MAPK7: variants seen among roughly 807,000 people sequenced by gnomAD.
MAPK7 encodes the protein BMK-1.
Under a neutral mutation model 56.9 loss-of-function variants are expected in MAPK7, and 30 were observed. The ratio of observed to expected loss-of-function variants is 0.53; its 90% confidence interval spans 0.39 to 0.72. The LOEUF is 0.72. Ranked by LOEUF, MAPK7 falls within the 30% of genes least tolerant of loss-of-function variation. MAPK7 has a pLI of 0.00. For synonymous variants in MAPK7, 516 were observed against 449.3 expected (o/e 1.15, Z -1.88); for missense variants, 952 against 1,110.8 (o/e 0.86, Z 2.03).
rs1436411902 is a variant in MAPK7 at position 19,379,837 on chromosome 17, C to G, written c.288C>G (p.Ala96=). 1 of 1,614,122 alleles carries G rather than the reference C, an allele frequency of 6.2e-7. No homozygotes were observed. Among genetic ancestry groups the G allele is most frequent in the African/African-American group, 1.3e-5 (1 of 74,942 alleles). ...ATGCTTTCGATGTGGTGACCAATGC[C>G]AAGCGGACCCTCAGGGAGCTGAAGA... ...IPNAFDVVTN[A]KRTLRELKIL... is the part of the protein sequence containing the mutation. The change falls in exon 3 of 7, where the codon GCC becomes GCG. Residue 96 remains alanine, a synonymous_variant. Coordinates refer to ENST00000395604, the MANE Select transcript of MAPK7 (RefSeq NM_002749.4).
Position 19,381,386 on chromosome 17 carries a change from G to A in MAPK7, c.1177G>A (p.Glu393Lys), listed in dbSNP as rs1341098806. Reference sequence around the variant, plus strand: ...AATTGAGGACTTCCATGCAAGGCGTGAGGGCATCCGCCAACAGATCCGCTT... The same window carrying A: ...AATTGAGGACTTCCATGCAAGGCGTAAGGGCATCCGCCAACAGATCCGCTT... ...AEIEDFHARREGIRQQIRFQP... is the reference protein window; with the variant it reads ...AEIEDFHARRKGIRQQIRFQP... Residue 393 changes from glutamate (E) to lysine (K), a missense_variant, in exon 4 of 7, where the codon GAG (glutamate) becomes AAG (lysine). By Grantham distance (56) the Glu-to-Lys change is moderately conservative. Coordinates refer to ENST00000395604, the MANE Select transcript of MAPK7 (RefSeq NM_002749.4). This position sits in a 1 kb window ranked among gnomAD's most constrained non-coding sequence, Gnocchi z 4.6. 1.9e-6 allele frequency: 3 copies of A among 1,614,044 alleles called. No homozygotes were observed. The African/African-American group carries it at 4.0e-5, about 22-fold the overall frequency.
At position 19,382,262 on chromosome 17, in the gene MAPK7, G is replaced by A. The variant is rs771523538; in HGVS notation, c.1959G>A (p.Ala653=). 2.9e-5 allele frequency: 46 copies of A among 1,594,250 alleles called. No homozygotes were observed. The highest frequency in any genetic ancestry group is 4.5e-5 in the East Asian group (2 of 44,016). The change falls in exon 5 of 7, where the codon GCG becomes GCA. Residue 653 remains alanine, a synonymous_variant. Coordinates refer to ENST00000395604, the MANE Select transcript of MAPK7 (RefSeq NM_002749.4). ...TGPPGPIPVP[A]PPQIATSTSL... ...CTCCTGGGCCCATCCCTGTCCCCGC[G>A]CCACCCCAGATTGCCACCTCCACCA...
chr17:19,383,294 C>CA lies in MAPK7; in HGVS notation c.*66dup. 1 of 1,573,500 alleles carries CA rather than the reference C, an allele frequency of 6.4e-7. No homozygotes were observed. On this transcript the variant is annotated 3_prime_UTR_variant, in exon 7 of 7. Coordinates refer to ENST00000395604, the MANE Select transcript of MAPK7 (RefSeq NM_002749.4). ...GTTCCAGGATCCATGGGAGCATTCTCAAAGGCTTTAGCCCTGGACCCAGCA... is the reference window on the plus strand; with the variant it reads ...GTTCCAGGATCCATGGGAGCATTCTCAAAAGGCTTTAGCCCTGGACCCAGCA...
chr17:19,383,425 C>A lies in MAPK7; in HGVS notation c.*194C>A. On this transcript the variant is annotated 3_prime_UTR_variant, in exon 7 of 7. Coordinates refer to ENST00000395604, the MANE Select transcript of MAPK7 (RefSeq NM_002749.4). ...GAGCCATGGCAGGATCGGGAGACCC[C>A]AACTCCCCCTGAACAATCCTTTTCA... is the stretch of plus-strand genomic sequence containing the variant. The A allele has an allele frequency of 1.9e-6, 1 of 531,420 alleles. No individual in the cohort carries two copies. Among genetic ancestry groups the A allele is most frequent in the Non-Finnish European group, 3.3e-6 (1 of 302,064 alleles). 32.9% of individuals were successfully genotyped at this position (531,420 alleles called of 1,614,324 possible). A position where few individuals can be genotyped will look rare whatever the true frequency, so the allele number is the denominator to read the frequency against.
At chr17:19,380,228 C>G (rs1912535121) in intron 3 of MAPK7, 2 of 512,960 alleles carry the variant, frequency 3.9e-6, no homozygotes, top group Admixed American at 3.8e-5. Flanking sequence ...GCAGACTTCA[C>G]TAATCAATCA....
rs752521048 is a variant in MAPK7, at chr17:19,382,079, GCCAACGCCAACC to G, written c.1782_1793del (p.Thr596_Pro599del). The G allele has an allele frequency of 6.2e-7, 1 of 1,601,154 alleles. No homozygotes were observed. Among genetic ancestry groups the G allele is most frequent in the Non-Finnish European group, 8.5e-7 (1 of 1,174,568 alleles). On this transcript the variant is annotated inframe_deletion, in exon 5 of 7. Coordinates refer to ENST00000395604, the MANE Select transcript of MAPK7 (RefSeq NM_002749.4). ...CCTCTGTGCCGGCCCCTGCCCCAGC[GCCAACGCCAACC>G]CCAACCCCAGTCCAACCTACCAGTC... is the stretch of plus-strand genomic sequence containing the variant.
rs747794000 is a variant in MAPK7 at position 19,382,381 on chromosome 17, C to T, written c.2078C>T (p.Pro693Leu). The change falls in exon 5 of 7, where the codon CCC (proline) becomes CTC (leucine). Residue 693 changes from proline (P) to leucine (L), a missense_variant. Physicochemically the swap from Pro to Leu is moderately conservative, Grantham distance 98 (BLOSUM62 -3). This residue lies in a region of MAPK7 where 234 missense variants were observed against 210.4 expected (regional missense o/e 1.11). Coordinates refer to ENST00000395604, the MANE Select transcript of MAPK7 (RefSeq NM_002749.4). ...CCTTACTTCCCACCTGGCCTGCCGC[C>T]CCCAGACGCCGGGGGAGCCCCTCAG... ...VLPYFPPGLP[P>L]PDAGGAPQSS... 5.0e-6 allele frequency: 8 copies of T among 1,613,518 alleles called. No homozygotes were observed. The highest frequency in any genetic ancestry group is 1.3e-5 in the African/African-American group (1 of 75,080).
chr17:19,379,985 C>T (rs1227919001), intron 3 of MAPK7, 38 bp downstream of exon 3: 1 of 1,595,820 alleles, frequency 6.3e-7, no homozygotes, highest in Admixed American at 1.7e-5. Flanking sequence ...AGACTTGGGA[C>T]TTTTCTGAAG....
chr17:19,379,181 G>A, intron 2 of MAPK7, 49 bp downstream of exon 2: 1 of 1,539,180 alleles, frequency 6.5e-7, no homozygotes, highest in Non-Finnish European at 8.9e-7. Context: ...GTCGCAGGGA[G>A]TGGGAAACCG....
chr17:19,381,717 GGGAGACTT>G lies in MAPK7; in HGVS notation c.1477+35_1477+42del, dbSNP rs755209740. The stretch of plus-strand genomic sequence containing the variant: ...TTGTGGGCAGGTCGGGTGGGCAGAG[GGGAGACTT>G]GGACTTGGACAAGGCTTCAGGCTTT... On this transcript the variant is annotated intron_variant, in intron 4 of 6. Transcript: ENST00000395604. The surrounding 1 kb of genome is among the most constrained non-coding windows in gnomAD (Gnocchi z 4.6). 6.5e-7 allele frequency: 1 copy of G among 1,549,198 alleles called. No homozygotes were observed. The highest frequency in any genetic ancestry group is 8.7e-7 in the Non-Finnish European group (1 of 1,151,036).
chr17:19,380,003 C>T, intron 3 of MAPK7, 56 bp downstream of exon 3: 1 of 1,562,858 alleles, frequency 6.4e-7, no homozygotes. Context: ...AAGGCTGCAA[C>T]CATGTTGCCG....
Position 19,382,083 on chromosome 17 carries a change from A to G in MAPK7, c.1780A>G (p.Thr594Ala), listed in dbSNP as rs1912742216. 2 of 1,605,538 alleles carry G rather than the reference A, an allele frequency of 1.2e-6. No homozygotes were observed. Among genetic ancestry groups the G allele is most frequent in the East Asian group, 2.2e-5 (1 of 44,580 alleles). ...TGTGCCGGCCCCTGCCCCAGCGCCA[A>G]CGCCAACCCCAACCCCAGTCCAACC... Reference protein sequence around the residue: ...TSVPAPAPAPTPTPTPVQPTS... With the variant: ...TSVPAPAPAPAPTPTPVQPTS... The change falls in exon 5 of 7, where the codon ACG becomes GCG. Residue 594 changes from threonine (T) to alanine (A), a missense_variant. Thr to Ala is a moderately conservative substitution (Grantham distance 58). Transcript: ENST00000395604.
intron 3 of MAPK7, chr17:19,380,380 T>C: frequency 8.1e-7 from 1 of 1,228,282 alleles, no homozygotes; most frequent in Non-Finnish European, 1.1e-6. Context: ...ATCTTTTATC[T>C]GATGGGGAAA....
intron 5 of MAPK7, 28 bp from the exon 6 acceptor site, chr17:19,382,783 GTC>G (rs1358650445): frequency 6.2e-7 from 1 of 1,611,266 alleles, no homozygotes; most frequent in East Asian, 2.2e-5. Context: ...ACCTCAGTCT[GTC>G]TGCATTGTAA....
In MAPK7 at chr17:19,378,878, A is replaced by T. The variant is rs771473684; in HGVS notation, c.-5-18A>T. 1.3e-6 allele frequency: 2 copies of T among 1,542,412 alleles called. No homozygotes were observed. The highest frequency in any genetic ancestry group is 3.9e-5 in the Admixed American group (2 of 50,964). On this transcript the variant is annotated intron_variant, in intron 1 of 6. Coordinates refer to ENST00000395604, the MANE Select transcript of MAPK7 (RefSeq NM_002749.4). This position sits in a 1 kb window ranked among gnomAD's most constrained non-coding sequence, Gnocchi z 5.4. ...GCCCACGGTAGGTGGTCCTCTCCTCACCCGAGTCTCCACACAGACACCATG... is the reference window on the plus strand; with the variant it reads ...GCCCACGGTAGGTGGTCCTCTCCTCTCCCGAGTCTCCACACAGACACCATG...
At position 19,381,263 on chromosome 17, in the gene MAPK7, G is replaced by A. The variant is rs1477421604; in HGVS notation, c.1054G>A (p.Asp352Asn). 1 of 1,613,986 alleles carries A rather than the reference G, an allele frequency of 6.2e-7. No homozygotes were observed. Among genetic ancestry groups the A allele is most frequent in the Non-Finnish European group, 8.5e-7 (1 of 1,180,064 alleles). The change falls in exon 4 of 7, where the codon GAT (aspartate) becomes AAT (asparagine). Residue 352 changes from aspartate to asparagine, a missense_variant. Transcript: ENST00000395604. This position sits in a 1 kb window ranked among gnomAD's most constrained non-coding sequence, Gnocchi z 4.6. ...LRHPFLAKYH[D>N]PDDEPDCAPP... ...CCACCCTTTCCTGGCCAAGTACCATGATCCTGATGATGAGCCTGACTGTGC... is the reference window on the plus strand; with the variant it reads ...CCACCCTTTCCTGGCCAAGTACCATAATCCTGATGATGAGCCTGACTGTGC...
intron 3 of MAPK7, 184 bp downstream of exon 3, chr17:19,380,131 G>A: frequency 6.1e-6 from 4 of 656,300 alleles, no homozygotes; most frequent in Non-Finnish European, 1.0e-5. Context: ...GAAGTGTACA[G>A]ATGATTTTAC....
chr17:19,382,827 G>T lies in MAPK7; in HGVS notation c.2178G>T (p.Leu726=), dbSNP rs1259746146. 4 of 1,614,170 alleles carry T rather than the reference G, an allele frequency of 2.5e-6. No homozygotes were observed. The highest frequency in any genetic ancestry group is 2.5e-6 in the Non-Finnish European group (3 of 1,180,014). The change falls in exon 6 of 7, where the codon CTG becomes CTT. Residue 726 remains leucine (L), a synonymous_variant. Coordinates refer to ENST00000395604, the MANE Select transcript of MAPK7 (RefSeq NM_002749.4). ...ATTCCCTGCAGGTGGAGGACCCCCT[G>T]CCCCCTGTGTTCTCAGGCACACCAA... The part of the protein sequence containing the change: ...QLSKSQVEDP[L]PPVFSGTPKG...
rs1257776034 is a variant in MAPK7 at position 19,378,678 on chromosome 17, TC to T, written c.-6+50del. On this transcript the variant is annotated intron_variant, in intron 1 of 6. Coordinates refer to ENST00000395604, the MANE Select transcript of MAPK7 (RefSeq NM_002749.4). The surrounding 1 kb of genome is among the most constrained non-coding windows in gnomAD (Gnocchi z 5.4). ...CCAGGTGCCCCGCCCCTCCCTTTCT[TC>T]CTGGCCCGCGCCTCGCCTACCCCTC... is the stretch of plus-strand genomic sequence containing the variant. 4.7e-5 allele frequency: 66 copies of T among 1,414,904 alleles called. No homozygotes were observed. The highest frequency in any genetic ancestry group is 6.0e-5 in the Non-Finnish European group (65 of 1,088,700). 87.6% of individuals were successfully genotyped at this position (1,414,904 alleles called of 1,614,324 possible).
Sources: gnomAD v4.1 joint callset for allele counts on GRCh38, gnomAD v4.1.1 for gene constraint, gnomAD v4.1.1 regional missense constraint, Gnocchi (gnomAD v3.1) non-coding constraint, MANE v1.5 for transcripts, NCBI Gene and HGNC (gene_info 2026-07-23, HGNC 2026-07-21) for gene names.